Variants in PHACTR2 observed in about 807,000 individuals in gnomAD.
The protein encoded by PHACTR2 is chromosome 6 open reading frame 56.
Under a neutral mutation model 76.0 loss-of-function variants are expected in PHACTR2, and 30 were observed. The observed-to-expected ratio is 0.39, with a 90% CI of 0.30 to 0.54. PHACTR2 has a LOEUF of 0.54. PHACTR2 is among the 20% of genes least tolerant of loss of function. The pLI is 0.61. For synonymous variants in PHACTR2, 292 were observed against 292.5 expected (o/e 1.00, Z 0.02); for missense variants, 696 against 781.1 (o/e 0.89, Z 1.30).
chr6:143,715,805 T>A (rs1473718388), intron 2 of PHACTR2, among the ~76,000 whole-genome samples: 1 of 152,206 alleles, frequency 6.6e-6, no homozygotes, highest in East Asian at 1.9e-4. Flanking sequence ...ACCACGGAGT[T>A]CTTTGACTCT....
Position 143,764,520 on chromosome 6 carries a change from CAA to C in PHACTR2, c.695-725_695-724del, listed in dbSNP as rs11321214. On this transcript the variant is annotated intron_variant, in intron 5 of 12. Coordinates refer to ENST00000440869, the MANE Select transcript of PHACTR2 (RefSeq NM_001100164.2). This position sits in a 1 kb window ranked among gnomAD's most constrained non-coding sequence, Gnocchi z 4.7. ...TGGGCGACAGAACAAGACCTTGTCT[CAA>C]AAAAAAAAAAAAAAAGGAGCAACCC... 1.2e-3 allele frequency among the ~76,000 whole-genome samples: 131 copies of C among 110,632 alleles called. No homozygotes were observed. The highest frequency in any genetic ancestry group is 5.0e-3 in the Middle Eastern group (1 of 202). The allele number at this position is 110,632 out of a possible 152,430, so 72.6% of individuals were successfully genotyped here.
Position 143,763,119 on chromosome 6 carries a change from G to A in PHACTR2, c.695-2142G>A, listed in dbSNP as rs528630971. Among the ~76,000 whole-genome samples, 3 of 152,280 alleles carry A rather than the reference G, an allele frequency of 2.0e-5. 1 individual carries two copies. The South Asian group carries it at 6.2e-4, about 32-fold the overall frequency. On this transcript the variant is annotated intron_variant, in intron 5 of 12. Transcript: ENST00000440869. ...CACACCTGTAATCCCAGCACTTTGGGAGGCCGAGGCAGGTGGATCACCTGA... is the reference window on the plus strand; with the variant it reads ...CACACCTGTAATCCCAGCACTTTGGAAGGCCGAGGCAGGTGGATCACCTGA...
chr6:143,677,331 T>C (rs1777268146), upstream of PHACTR2, among the ~76,000 whole-genome samples: 1 of 152,194 alleles, frequency 6.6e-6, no homozygotes, highest in Non-Finnish European at 1.5e-5. Context: ...TTTAACAGGA[T>C]ATTATAGAAG....
rs965699556 is a variant in PHACTR2 at position 143,680,335 on chromosome 6, G to A, written c.46+2126G>A. ...TCTGTTTGATCTTAGCCATTGACTA[G>A]TTGTTTAAGTCTGGAGCAGCTGCTT... On this transcript the variant is annotated intron_variant, in intron 1 of 12. Transcript: ENST00000440869. This position sits in a 1 kb window ranked among gnomAD's most constrained non-coding sequence, Gnocchi z 4.5. Among the ~76,000 whole-genome samples, 1 of 152,106 alleles carries A rather than the reference G, an allele frequency of 6.6e-6. No homozygotes were observed. Among genetic ancestry groups the A allele is most frequent in the African/African-American group, 2.4e-5 (1 of 41,428 alleles).
At position 143,546,372 on chromosome 6, in the gene PHACTR2, A is replaced by C. The variant is rs1361698278; in HGVS notation, c.217+9165A>C. On this transcript the variant is annotated intron_variant, in intron 1 of 11. Coordinates refer to the PHACTR2 transcript ENST00000367584. This position sits in a 1 kb window ranked among gnomAD's most constrained non-coding sequence, Gnocchi z 4.9. ...ACTTGTGACTTAAAAAAAAAAAAAA[A>C]CATGTTATCTCTCTCTAGAACTTTG... Among the ~76,000 whole-genome samples, 1 of 149,736 alleles carries C rather than the reference A, an allele frequency of 6.7e-6. No homozygotes were observed. The highest frequency in any genetic ancestry group is 1.5e-5 in the Non-Finnish European group (1 of 67,080).
rs1226929395 is a variant in PHACTR2 at position 143,754,663 on chromosome 6, C to T, written c.454+751C>T. Among the ~76,000 whole-genome samples, 1 of 152,148 alleles carries T rather than the reference C, an allele frequency of 6.6e-6. No homozygotes were observed. The highest frequency in any genetic ancestry group is 1.5e-5 in the Non-Finnish European group (1 of 68,020). ...TCCTAGTTATGGATTGATGACATCT[C>T]GATACCACTGCTGTGATGCGTAGGA... On this transcript the variant is annotated intron_variant, in intron 4 of 12. Coordinates refer to ENST00000440869, the MANE Select transcript of PHACTR2 (RefSeq NM_001100164.2). This position sits in a 1 kb window ranked among gnomAD's most constrained non-coding sequence, Gnocchi z 6.2.
Position 143,591,888 on chromosome 6 carries a change from A to G in PHACTR2, c.217+54681A>G, listed in dbSNP as rs191580580. On this transcript the variant is annotated intron_variant, in intron 1 of 11. Transcript: ENST00000367584. The surrounding 1 kb of genome is among the most constrained non-coding windows in gnomAD (Gnocchi z 6.4). ...TCAAACAGGGAATTTGTCCACTTCC[A>G]GGTTTTCCTGGGCCACTTCCCTAGA... Among the ~76,000 whole-genome samples, 347 of 152,330 alleles carry G rather than the reference A, an allele frequency of 2.3e-3. 1 individual carries two copies. The highest frequency in any genetic ancestry group is 7.7e-3 in the African/African-American group (322 of 41,582).
chr6:143,825,266 A>C lies in PHACTR2; in HGVS notation c.*1577A>C, dbSNP rs945433695. ...CTGTCATTTTCTATTTCAACCGAAAAGTAAGCATTTAACCCGGTGAATAAA... is the reference window on the plus strand; with the variant it reads ...CTGTCATTTTCTATTTCAACCGAAACGTAAGCATTTAACCCGGTGAATAAA... On this transcript the variant is annotated 3_prime_UTR_variant, in exon 13 of 13. Coordinates refer to ENST00000440869, the MANE Select transcript of PHACTR2 (RefSeq NM_001100164.2). The surrounding 1 kb of genome is among the most constrained non-coding windows in gnomAD (Gnocchi z 4.1). 3 of 152,358 alleles carry C rather than the reference A, an allele frequency of 2.0e-5. No individual in the cohort carries two copies. In the East Asian group the frequency reaches 5.8e-4, roughly 29 times the overall value. The allele number at this position is 152,358 out of a possible 1,614,324, so 9.4% of individuals were successfully genotyped here. A position where few individuals can be genotyped will look rare whatever the true frequency, so the allele number is the denominator to read the frequency against.
chr6:143,701,454 G>A (rs946413300), intron 1 of PHACTR2, among the ~76,000 whole-genome samples: 19 of 152,114 alleles, frequency 1.2e-4, no homozygotes, highest in African/African-American at 4.6e-4. Flanking sequence ...GATGACACTG[G>A]GCATTGTTTT....
At chr6:143,545,145 A>G (rs892581641) in intron 1 of PHACTR2, among the ~76,000 whole-genome samples, 5 of 152,106 alleles carry the variant, frequency 3.3e-5, no homozygotes, top group African/African-American at 9.7e-5. Flanking sequence ...GGGTTTCACT[A>G]TGTTGGCCAG....
At chr6:143,792,997 AT>A (rs1019346692) in intron 11 of PHACTR2, among the ~76,000 whole-genome samples, 2 of 152,324 alleles carry the variant, frequency 1.3e-5, no homozygotes, top group South Asian at 2.1e-4. Flanking sequence ...CAAGATCACA[AT>A]TGTGGCCAAA....
chr6:143,759,511 G>A (rs1254019800), intron 4 of PHACTR2, among the ~76,000 whole-genome samples: 2 of 152,030 alleles, frequency 1.3e-5, no homozygotes, highest in Non-Finnish European at 2.9e-5. Context: ...AAAATTAGCT[G>A]GGCGTGGTGG....
At chr6:143,638,756 T>C (rs1373445437) in intron 1 of PHACTR2, among the ~76,000 whole-genome samples, 1 of 152,184 alleles carries the variant, frequency 6.6e-6, no homozygotes, top group Non-Finnish European at 1.5e-5. Context: ...ATCATACTTT[T>C]CCTTCAAATA....
rs970775032 is a variant in PHACTR2 at position 143,739,984 on chromosome 6, G to A, written c.215-9001G>A. 6.6e-6 allele frequency among the ~76,000 whole-genome samples: 1 copy of A among 152,150 alleles called. No individual in the cohort carries two copies. Among genetic ancestry groups the A allele is most frequent in the African/African-American group, 2.4e-5 (1 of 41,444 alleles). On this transcript the variant is annotated intron_variant, in intron 2 of 12. Coordinates refer to ENST00000440869, the MANE Select transcript of PHACTR2 (RefSeq NM_001100164.2). The surrounding 1 kb of genome is among the most constrained non-coding windows in gnomAD (Gnocchi z 4.3). ...GGATCTCGGACAAGAAAGAATTCAG[G>A]GGGAGTCCATAAAGTGAAGTGAAAG... is the stretch of plus-strand genomic sequence containing the variant.
In PHACTR2 at chr6:143,819,929, G is replaced by A. The variant is rs1218266881; in HGVS notation, c.1923-3745G>A. Among the ~76,000 whole-genome samples, 1 of 152,168 alleles carries A rather than the reference G, an allele frequency of 6.6e-6. No homozygotes were observed. Among genetic ancestry groups the A allele is most frequent in the Non-Finnish European group, 1.5e-5 (1 of 68,028 alleles). The stretch of plus-strand genomic sequence containing the variant: ...GCTCACAGTTCTGCAGGCTGTACAG[G>A]AAGCATAGCAGCATCTGCTTCTGGG... On this transcript the variant is annotated intron_variant, in intron 12 of 12. Transcript: ENST00000440869. The surrounding 1 kb of genome is among the most constrained non-coding windows in gnomAD (Gnocchi z 5.0).
In PHACTR2 at chr6:143,619,052, A is replaced by C. The variant is rs1238413111; in HGVS notation, c.13+10730A>C. Reference sequence around the variant, plus strand: ...ATATAGAAACTCTGAATTAATTCTTACTGGAATTGAATGCTGTGGCCATAT... The same window carrying C: ...ATATAGAAACTCTGAATTAATTCTTCCTGGAATTGAATGCTGTGGCCATAT... On this transcript the variant is annotated intron_variant, in intron 1 of 11. Transcript: ENST00000305766. This position sits in a 1 kb window ranked among gnomAD's most constrained non-coding sequence, Gnocchi z 4.5. 6.6e-6 allele frequency among the ~76,000 whole-genome samples: 1 copy of C among 152,156 alleles called. No individual in the cohort carries two copies. Among genetic ancestry groups the C allele is most frequent in the East Asian group, 1.9e-4 (1 of 5,188 alleles).
At chr6:143,702,500 G>A (rs1339708639) in intron 1 of PHACTR2, among the ~76,000 whole-genome samples, 3 of 152,094 alleles carry the variant, frequency 2.0e-5, no homozygotes, top group Non-Finnish European at 4.4e-5. Context: ...ATATGCCAAT[G>A]GAGACAGCCT....
chr6:143,604,670 TCAGG>T (rs1293369185), upstream of PHACTR2, among the ~76,000 whole-genome samples: 1 of 151,924 alleles, frequency 6.6e-6, no homozygotes, highest in Non-Finnish European at 1.5e-5. Context: ...TCACCTGCGG[TCAGG>T]AGTTCAAGAC....
rs199995134 is a variant in PHACTR2, at chr6:143,760,506, C to T, written c.560C>T (p.Pro187Leu). 1.5e-4 allele frequency: 244 copies of T among 1,613,904 alleles called. No individual in the cohort carries two copies. Among genetic ancestry groups the T allele is most frequent in the Middle Eastern group, 9.9e-4 (6 of 6,062 alleles). Residue 187 changes from proline (P) to leucine (L), a missense_variant, in exon 5 of 13, where the codon CCG (proline) becomes CTG (leucine). By Grantham distance (98) the Pro-to-Leu change is moderately conservative (BLOSUM62 -3). Around this residue, in one of 2 missense-constraint regions of PHACTR2, gnomAD observed 460 missense variants for 450.9 expected, o/e 1.02. Transcript: ENST00000440869. The surrounding 1 kb of genome is among the most constrained non-coding windows in gnomAD (Gnocchi z 6.4). Reference sequence around the variant, plus strand: ...AAACCCAAAAAATCACCTGTGCCTCCGAAAGGGGCCACTGCTGGGGCCAGC... The same window carrying T: ...AAACCCAAAAAATCACCTGTGCCTCTGAAAGGGGCCACTGCTGGGGCCAGC... ...KPKPKKSPVP[P>L]KGATAGASHK...
Sources: gnomAD v4.1 joint callset for allele counts (sites outside exome capture counted in the v4.1 genomes callset) on GRCh38, gnomAD v4.1.1 for gene constraint, gnomAD v4.1.1 regional missense constraint, Gnocchi (gnomAD v3.1) non-coding constraint, MANE v1.5 for transcripts, NCBI Gene and HGNC (gene_info 2026-07-23, HGNC 2026-07-21) for gene names.